Variants in TWIST2 observed in about 807,000 individuals in gnomAD.
TWIST2 encodes twist family bHLH transcription factor 2.
In TWIST2, 1 loss-of-function variant was observed where a neutral mutation model predicts 11.6. The observed-to-expected ratio is 0.09, with a 90% confidence interval of 0.03 to 0.41. The LOEUF is 0.41. TWIST2 is among the 10% of genes least tolerant of loss of function. The pLI, the probability that TWIST2 is intolerant of heterozygous loss-of-function variation, is 0.98. For synonymous variants in TWIST2, 87 were observed against 96.6 expected (o/e 0.90, Z 0.58); for missense variants, 168 against 226.4 (o/e 0.74, Z 1.66).
At chr2:238,894,921 G>T (rs2106370874) in intron 1 of TWIST2, among the ~76,000 whole-genome samples, 1 of 152,264 alleles carries the variant, frequency 6.6e-6, no homozygotes, top group South Asian at 2.1e-4. Context: ...TTCATAGCAA[G>T]CTTGTTGCAG....
chr2:238,886,095 C>CAAA (rs67714100), intron 1 of TWIST2, among the ~76,000 whole-genome samples: 2,083 of 123,160 alleles, frequency 0.017, 45 homozygotes, highest in African/African-American at 0.054. Context: ...GACTCCATCT[C>CAAA]AAAAAAAAAA....
At chr2:238,874,866 G>A (rs565482482) in intron 1 of TWIST2, among the ~76,000 whole-genome samples, 3 of 152,272 alleles carry the variant, frequency 2.0e-5, no homozygotes, top group Admixed American at 1.3e-4. Context: ...GTGCAAGTGA[G>A]TTCTCGGGTG....
chr2:238,876,138 G>C (rs982486402), intron 1 of TWIST2, among the ~76,000 whole-genome samples: 4 of 152,324 alleles, frequency 2.6e-5, no homozygotes, highest in African/African-American at 4.8e-5. Context: ...GGTGGGTGTG[G>C]GTGGAGGGCG....
At position 238,873,999 on chromosome 2, in the gene TWIST2, T is replaced by C. The variant is rs148929373; in HGVS notation, c.*35+25266T>C. On this transcript the variant is annotated intron_variant, in intron 1 of 1. Transcript: ENST00000612363. ...ATCAAGGAAAAAACTCACTTGCGGC[T>C]CTGTACCTCTCTGAGATGGGGTTCA... Among the ~76,000 whole-genome samples the C allele has an allele frequency of 6.0e-4, 91 of 152,258 alleles. 1 individual carries two copies. The highest frequency in any genetic ancestry group is 2.1e-3 in the African/African-American group (86 of 41,556).
In TWIST2 at chr2:238,863,237, C is replaced by T. The variant is rs1692465646; in HGVS notation, c.*35+14504C>T. ...GCAGTGAAAATACAGCTGCCATCCACATAGGAATGCCCTCACCGCAACCCC... is the reference window on the plus strand; with the variant it reads ...GCAGTGAAAATACAGCTGCCATCCATATAGGAATGCCCTCACCGCAACCCC... On this transcript the variant is annotated intron_variant, in intron 1 of 1. Coordinates refer to ENST00000612363, the MANE Select transcript of TWIST2 (RefSeq NM_001271893.4). This position sits in a 1 kb window ranked among gnomAD's most constrained non-coding sequence, Gnocchi z 4.7. 6.6e-6 allele frequency among the ~76,000 whole-genome samples: 1 copy of T among 152,132 alleles called. No individual in the cohort carries two copies. The highest frequency in any genetic ancestry group is 1.5e-5 in the Non-Finnish European group (1 of 68,030).
chr2:238,884,446 G>A (rs956001401), intron 1 of TWIST2, among the ~76,000 whole-genome samples: 7 of 152,234 alleles, frequency 4.6e-5, no homozygotes, highest in African/African-American at 1.4e-4. Context: ...GCTCTTCTCC[G>A]TGTAGGGCTT....
At chr2:238,870,536 A>ATG (rs1692655294) in intron 1 of TWIST2, among the ~76,000 whole-genome samples, 2 of 95,900 alleles carry the variant, frequency 2.1e-5, no homozygotes, top group African/African-American at 4.2e-5. Flanking sequence ...CACACACCCT[A>ATG]CATACCCCAC....
intron 1 of TWIST2, among the ~76,000 whole-genome samples, chr2:238,905,985 ACGTGCG>A (rs1693348556): frequency 2.2e-5 from 3 of 139,466 alleles, no homozygotes; most frequent in Non-Finnish European, 4.7e-5. Flanking sequence ...GCGCGCGTGT[ACGTGCG>A]CGTGTGTGCG....
In TWIST2 at chr2:238,862,589, A is replaced by G. The variant is rs144935908; in HGVS notation, c.*35+13856A>G. 4.2e-3 allele frequency among the ~76,000 whole-genome samples: 637 copies of G among 152,324 alleles called. 7 individuals carry two copies. Among genetic ancestry groups the G allele is most frequent in the African/African-American group, 0.015 (610 of 41,566 alleles). ...GAAGGTGGGGGAACCAGGCCATCCT[A>G]TTTGCCAGAGGGAAGAAAAGCTGCA... is the stretch of plus-strand genomic sequence containing the variant. On this transcript the variant is annotated intron_variant, in intron 1 of 1. Transcript: ENST00000612363.
rs1358484353 is a variant in TWIST2 at position 238,873,555 on chromosome 2, G to A, written c.*35+24822G>A. ...GCTGCAGAGATGTGCACGCATGAGCGCACACAAGAGCTACGGGGTCCTGCT... is the reference window on the plus strand; with the variant it reads ...GCTGCAGAGATGTGCACGCATGAGCACACACAAGAGCTACGGGGTCCTGCT... On this transcript the variant is annotated intron_variant, in intron 1 of 1. Transcript: ENST00000612363. 2.6e-5 allele frequency among the ~76,000 whole-genome samples: 4 copies of A among 152,182 alleles called. No individual in the cohort carries two copies. In the East Asian group the frequency reaches 7.7e-4, roughly 29 times the overall value.
intron 1 of TWIST2, among the ~76,000 whole-genome samples, chr2:238,892,779 C>A (rs1427833333): frequency 1.3e-5 from 2 of 152,164 alleles, no homozygotes; most frequent in Non-Finnish European, 2.9e-5. Context: ...CCGCAACCGG[C>A]CTTCTAATAT....
chr2:238,854,042 G>T (rs946615552), intron 1 of TWIST2, among the ~76,000 whole-genome samples: 1 of 152,176 alleles, frequency 6.6e-6, no homozygotes, highest in Admixed American at 6.5e-5. Flanking sequence ...CCCAGCTTCT[G>T]TCGAAGCCTC....
chr2:238,861,821 A>C (rs1005819351), intron 1 of TWIST2, among the ~76,000 whole-genome samples: 19 of 152,304 alleles, frequency 1.2e-4, no homozygotes, highest in African/African-American at 4.6e-4. Flanking sequence ...TACATTTTAA[A>C]TTGCACACCA....
chr2:238,860,077 C>T (rs945246762), intron 1 of TWIST2, among the ~76,000 whole-genome samples: 1 of 152,188 alleles, frequency 6.6e-6, no homozygotes, highest in Non-Finnish European at 1.5e-5. Context: ...GCACACCTCT[C>T]GCCTCCATCA....
At position 238,866,047 on chromosome 2, in the gene TWIST2, C is replaced by T. The variant is rs1692524640; in HGVS notation, c.*35+17314C>T. ...CACTGATCTGACTCCGTCGCTTAAC[C>T]TGTTAATGGAATAGCATGGACGATG... On this transcript the variant is annotated intron_variant, in intron 1 of 1. Coordinates refer to ENST00000612363, the MANE Select transcript of TWIST2 (RefSeq NM_001271893.4). This position sits in a 1 kb window ranked among gnomAD's most constrained non-coding sequence, Gnocchi z 4.9. 1.3e-5 allele frequency among the ~76,000 whole-genome samples: 2 copies of T among 152,190 alleles called. No individual in the cohort carries two copies. The highest frequency in any genetic ancestry group is 1.3e-4 in the Admixed American group (2 of 15,286).
intron 1 of TWIST2, among the ~76,000 whole-genome samples, chr2:238,892,526 G>A (rs1693156634): frequency 6.6e-6 from 1 of 152,086 alleles, no homozygotes; most frequent in Admixed American, 6.5e-5. Flanking sequence ...TGTCGCCCAG[G>A]CTGGAGTGCA....
intron 1 of TWIST2, among the ~76,000 whole-genome samples, chr2:238,909,341 T>C (rs1220140495): frequency 6.6e-6 from 1 of 152,056 alleles, no homozygotes; most frequent in Non-Finnish European, 1.5e-5. Context: ...AAAGCAAGAA[T>C]CCGCCGTTGA....
At chr2:238,862,767 T>C (rs1692456751) in intron 1 of TWIST2, among the ~76,000 whole-genome samples, 1 of 152,234 alleles carries the variant, frequency 6.6e-6, no homozygotes, top group South Asian at 2.1e-4. Flanking sequence ...TTCATTAATA[T>C]TGGCGACAAA....
At chr2:238,881,571 T>C (rs1692932628) in intron 1 of TWIST2, among the ~76,000 whole-genome samples, 2 of 152,048 alleles carry the variant, frequency 1.3e-5, no homozygotes, top group Non-Finnish European at 2.9e-5. Flanking sequence ...TAGAATTTAT[T>C]AGTATTAGTG....
Sources: gnomAD v4.1 joint callset for allele counts (sites outside exome capture counted in the v4.1 genomes callset) on GRCh38, gnomAD v4.1.1 for gene constraint, Gnocchi (gnomAD v3.1) non-coding constraint, MANE v1.5 for transcripts, NCBI Gene and HGNC (gene_info 2026-07-23, HGNC 2026-07-21) for gene names.